LRRC75A: variants seen among roughly 807,000 people sequenced by gnomAD.
LRRC75A encodes leucine-rich repeat-containing protein 75A.
LRRC75A carries 12 observed loss-of-function variants against 26.0 expected under a neutral mutation model. The observed-to-expected ratio is 0.46, with a 90% CI of 0.30 to 0.75. The LOEUF (loss-of-function observed/expected upper bound fraction) is 0.75, where lower values mean the gene tolerates loss of function less well. LRRC75A is among the 30% of genes least tolerant of loss of function. The pLI is 0.08. For synonymous variants in LRRC75A, 223 were observed against 219.3 expected (o/e 1.02, Z -0.15); for missense variants, 410 against 486.6 (o/e 0.84, Z 1.48).
intron 1 of LRRC75A, among the ~76,000 whole-genome samples, chr17:16,487,576 CT>C (rs2093849590): frequency 6.6e-6 from 1 of 152,200 alleles, no homozygotes; most frequent in South Asian, 2.1e-4. Context: ...GTAGCTGGGA[CT>C]ACAGGTGCAC....
chr17:16,489,755 G>A (rs1249006628), intron 1 of LRRC75A, among the ~76,000 whole-genome samples: 9 of 152,208 alleles, frequency 5.9e-5, no homozygotes, highest in Non-Finnish European at 1.0e-4. Context: ...CCAGGCCCAC[G>A]GCCCTTGCAT....
chr17:16,453,346 A>ACG (rs900534826), intron 2 of LRRC75A, among the ~76,000 whole-genome samples: 3 of 141,580 alleles, frequency 2.1e-5, no homozygotes, highest in African/African-American at 7.6e-5. Context: ...ACACACGCAC[A>ACG]CGCACACACA....
intron 2 of LRRC75A, among the ~76,000 whole-genome samples, chr17:16,450,438 C>G (rs1030086061): frequency 6.6e-6 from 1 of 152,098 alleles, no homozygotes; most frequent in African/African-American, 2.4e-5. Flanking sequence ...ATCCCCACCC[C>G]TGCCCCCAGC....
At chr17:16,484,051 A>G (rs1156606866) in intron 1 of LRRC75A, among the ~76,000 whole-genome samples, 1 of 152,176 alleles carries the variant, frequency 6.6e-6, no homozygotes, top group African/African-American at 2.4e-5. Flanking sequence ...AAAACCACCT[A>G]ATGAGGCCGG....
chr17:16,476,883 C>T (rs1477070456), intron 1 of LRRC75A, among the ~76,000 whole-genome samples: 1 of 151,870 alleles, frequency 6.6e-6, no homozygotes, highest in African/African-American at 2.4e-5. Context: ...GGACCACAGG[C>T]GCCCACCACC....
At position 16,492,108 on chromosome 17, in the gene LRRC75A, G is replaced by A; in HGVS notation, c.-118C>T. The A allele has an allele frequency of 1.1e-6, 1 of 922,626 alleles. No individual in the cohort carries two copies. The allele number at this position is 922,626 out of a possible 1,614,324, so 57.2% of individuals were successfully genotyped here. On this transcript the variant is annotated 5_prime_UTR_variant, in exon 1 of 4. Coordinates refer to ENST00000470794, the MANE Select transcript of LRRC75A (RefSeq NM_001113567.3). ...CCCGGGCTGCAACTTTGGGGGAACT[G>A]TTGCGCGCGGGCGTCGCGGGGGCGG... is the stretch of plus-strand genomic sequence containing the variant.
At chr17:16,481,757 C>T (rs2093834635) in intron 1 of LRRC75A, among the ~76,000 whole-genome samples, 1 of 152,120 alleles carries the variant, frequency 6.6e-6, no homozygotes, top group South Asian at 2.1e-4. Flanking sequence ...TACAGGCCCT[C>T]CAGACAGTGG....
chr17:16,489,101 G>C (rs1210673062), intron 1 of LRRC75A, among the ~76,000 whole-genome samples: 1 of 152,202 alleles, frequency 6.6e-6, no homozygotes, highest in Non-Finnish European at 1.5e-5. Flanking sequence ...TGCCTGGGAA[G>C]ATTGTGTGTA....
At chr17:16,469,899 A>C (rs571625137) in intron 1 of LRRC75A, among the ~76,000 whole-genome samples, 2 of 152,102 alleles carry the variant, frequency 1.3e-5, no homozygotes, top group South Asian at 4.2e-4. Context: ...TTACCTCCAA[A>C]TTGTCACTTG....
At chr17:16,456,295 AAGGAAG>A (rs1452263509) in intron 2 of LRRC75A, among the ~76,000 whole-genome samples, 4 of 90,328 alleles carry the variant, frequency 4.4e-5, no homozygotes, top group African/African-American at 1.8e-4. Context: ...GGAGGAAGAG[AAGGAAG>A]AGGAGGAGGA....
chr17:16,453,316 ACACG>A (rs1331845635), intron 2 of LRRC75A, among the ~76,000 whole-genome samples: 157 of 78,696 alleles, frequency 2.0e-3, no homozygotes, highest in African/African-American at 4.8e-3. Flanking sequence ...ACACACGCAC[ACACG>A]CACACACGCA....
intron 1 of LRRC75A, among the ~76,000 whole-genome samples, chr17:16,482,980 G>A (rs12453766): frequency 0.019 from 2,900 of 152,344 alleles, 43 homozygotes; most frequent in Admixed American, 0.059. Flanking sequence ...ACAGAGGCTG[G>A]AGTGGGGACA....
intron 3 of LRRC75A, chr17:16,446,835 A>C (rs771290124): frequency 3.9e-6 from 1 of 256,380 alleles, no homozygotes; most frequent in Non-Finnish European, 7.9e-6. Context: ...TGTCCCCTCT[A>C]CCCAGGTAGA....
intron 1 of LRRC75A, among the ~76,000 whole-genome samples, chr17:16,476,939 C>A (rs112797144): frequency 6.6e-6 from 1 of 151,554 alleles, no homozygotes; most frequent in African/African-American, 2.4e-5. Context: ...GGGGTTTCAC[C>A]GTGTTAGCCA....
intron 2 of LRRC75A, among the ~76,000 whole-genome samples, chr17:16,453,364 G>A (rs1175683562): frequency 1.3e-5 from 2 of 150,528 alleles, no homozygotes; most frequent in East Asian, 1.9e-4. Flanking sequence ...ACACACACAC[G>A]AGAACAGAGG....
intron 1 of LRRC75A, among the ~76,000 whole-genome samples, chr17:16,468,328 G>A (rs1009598476): frequency 6.6e-6 from 1 of 152,218 alleles, no homozygotes; most frequent in East Asian, 1.9e-4. Flanking sequence ...ACAGATGAAT[G>A]GGTACACGGA....
At chr17:16,484,749 G>T (rs1320343482) in intron 1 of LRRC75A, among the ~76,000 whole-genome samples, 1 of 152,128 alleles carries the variant, frequency 6.6e-6, no homozygotes, top group Non-Finnish European at 1.5e-5. Flanking sequence ...AGAAAGACAC[G>T]CGGACACTGA....
chr17:16,477,985 G>A (rs544804721), intron 1 of LRRC75A, among the ~76,000 whole-genome samples: 65 of 152,042 alleles, frequency 4.3e-4, no homozygotes, highest in African/African-American at 1.3e-3. Context: ...CAATGGGTCA[G>A]GCAAAGGCCC....
chr17:16,487,552 C>T (rs1174612906), intron 1 of LRRC75A, among the ~76,000 whole-genome samples: 1 of 152,198 alleles, frequency 6.6e-6, no homozygotes, highest in African/African-American at 2.4e-5. Context: ...CATCCTCCTA[C>T]CTCAGTCTCC....
Sources: allele counts gnomAD v4.1 joint callset (sites outside exome capture counted in the v4.1 genomes callset), GRCh38; gene constraint gnomAD v4.1.1; transcripts MANE v1.5; gene names NCBI Gene and HGNC (gene_info 2026-07-23, HGNC 2026-07-21).